Variants in SAP130 observed in about 807,000 individuals in gnomAD.
The protein encoded by SAP130 is Sin3A associated protein 130, also known as histone deacetylase complex subunit SAP130.
In SAP130, 16 loss-of-function variants were observed where a neutral mutation model predicts 103.2. The observed-to-expected ratio is 0.16, with a 90% confidence interval of 0.10 to 0.24. The LOEUF is 0.24. SAP130 is among the 10% of genes least tolerant of loss of function. The probability of loss-of-function intolerance (pLI) is 1.00; values close to 1 mark genes in which losing one functional copy is unlikely to be tolerated. For synonymous variants in SAP130, 477 were observed against 497.0 expected, an observed-to-expected ratio of 0.96 and a Z score of 0.53; for missense variants, 990 against 1,359.7, an observed-to-expected ratio of 0.73 and a Z score of 4.28.
chr2:128,010,185 T>G, intron 7 of SAP130, 84 bp downstream of exon 7: 4 of 1,439,222 alleles, frequency 2.8e-6, no homozygotes, highest in Non-Finnish European at 3.8e-6. Context: ...TCAATAAATA[T>G]TTACTTAAAT....
chr2:128,026,409 C>T (rs1261460361), intron 1 of SAP130, 111 bp from the exon 2 acceptor site: 2 of 685,230 alleles, frequency 2.9e-6, no homozygotes, highest in African/African-American at 1.8e-5. Flanking sequence ...AAAGCAAATG[C>T]TGCATCATTT....
intron 18 of SAP130, among the ~76,000 whole-genome samples, chr2:127,947,456 C>T (rs1258527115): frequency 6.6e-6 from 1 of 152,158 alleles, no homozygotes; most frequent in Non-Finnish European, 1.5e-5. Context: ...TGCATTTTTA[C>T]ATCTATATTC....
At chr2:127,945,639 CATT>C in intron 18 of SAP130, 80 bp from the exon 19 acceptor site, 2 of 837,858 alleles carry the variant, frequency 2.4e-6, no homozygotes. Context: ...GTGTAAATGC[CATT>C]ATTTTAACAA....
At chr2:127,995,066 TGG>T (rs763889576) in intron 11 of SAP130, among the ~76,000 whole-genome samples, 46 of 152,308 alleles carry the variant, frequency 3.0e-4, no homozygotes, top group Non-Finnish European at 5.0e-4. Flanking sequence ...GGGTTCTTTA[TGG>T]GAGAGGCAGA....
chr2:128,028,057 T>G lies in SAP130; in HGVS notation c.-124A>C, dbSNP rs1478053950. Reference sequence around the variant, plus strand: ...GCAGCCACCGCCGGGGAGCTAGCACTCTGCCCCCCACCCCTCACTCCAGCG... The same window carrying G: ...GCAGCCACCGCCGGGGAGCTAGCACGCTGCCCCCCACCCCTCACTCCAGCG... On this transcript the variant is annotated 5_prime_UTR_variant, in exon 1 of 21. Coordinates refer to ENST00000643581, the MANE Select transcript of SAP130 (RefSeq NM_001330301.2). 2 of 835,486 alleles carry G rather than the reference T, an allele frequency of 2.4e-6. No homozygotes were observed. The highest frequency in any genetic ancestry group is 1.2e-4 in the East Asian group (1 of 8,164). The allele number at this position is 835,486 out of a possible 1,614,324, so 51.8% of individuals were successfully genotyped here.
At chr2:127,982,426 G>A (rs1682017402) in intron 14 of SAP130, among the ~76,000 whole-genome samples, 2 of 152,152 alleles carry the variant, frequency 1.3e-5, no homozygotes, top group Admixed American at 1.3e-4. Flanking sequence ...CAGGACATGG[G>A]GTACTGCCAC....
intron 2 of SAP130, among the ~76,000 whole-genome samples, chr2:128,020,672 A>C (rs1181037138): frequency 1.3e-5 from 2 of 152,192 alleles, no homozygotes; most frequent in Non-Finnish European, 2.9e-5. Context: ...TAGGATTAGA[A>C]CTACTGGGTA....
At chr2:128,002,357 C>T (rs893270864) in intron 7 of SAP130, among the ~76,000 whole-genome samples, 20 of 151,952 alleles carry the variant, frequency 1.3e-4, no homozygotes, top group African/African-American at 4.4e-4. Context: ...TGGTAAAACC[C>T]CATCTCTACT....
At chr2:128,019,873 CTG>C (rs1685035495) in intron 2 of SAP130, among the ~76,000 whole-genome samples, 1 of 150,734 alleles carries the variant, frequency 6.6e-6, no homozygotes, top group Non-Finnish European at 1.5e-5. Context: ...GAGCAAAACT[CTG>C]TGTCAAAAAA....
At chr2:127,947,783 T>A (rs1437621153) in intron 18 of SAP130, among the ~76,000 whole-genome samples, 1 of 151,962 alleles carries the variant, frequency 6.6e-6, no homozygotes. Flanking sequence ...TGTGTGTGTG[T>A]GTGTGTGTGT....
chr2:128,003,956 G>GTT (rs1559088445), intron 7 of SAP130, among the ~76,000 whole-genome samples: 3 of 53,078 alleles, frequency 5.7e-5, no homozygotes, highest in African/African-American at 1.4e-4. Context: ...CCACAGATCA[G>GTT]CTTTTTTTTT....
rs1210982927 is a variant in SAP130, at chr2:127,942,213, C to T, written c.3016-49G>A. The T allele has an allele frequency of 6.5e-7, 1 of 1,527,540 alleles. No homozygotes were observed. Among genetic ancestry groups the T allele is most frequent in the Non-Finnish European group, 8.8e-7 (1 of 1,133,890 alleles). The allele number at this position is 1,527,540 out of a possible 1,614,324, so 94.6% of individuals were successfully genotyped here. On this transcript the variant is annotated intron_variant, in intron 20 of 20. Coordinates refer to ENST00000643581, the MANE Select transcript of SAP130 (RefSeq NM_001330301.2). This position sits in a 1 kb window ranked among gnomAD's most constrained non-coding sequence, Gnocchi z 4.8. Reference sequence around the variant, plus strand: ...TCAATCAGTGACCATGAGGATAGTACAGCTTTTAAAAAACTGCTTGCCTTT... The same window carrying T: ...TCAATCAGTGACCATGAGGATAGTATAGCTTTTAAAAAACTGCTTGCCTTT...
chr2:127,954,894 C>T, intron 16 of SAP130, 92 bp downstream of exon 16: 1 of 1,013,186 alleles, frequency 9.9e-7, no homozygotes, highest in East Asian at 2.5e-5. Context: ...GGAGTCTTGG[C>T]TGAGGGTTAC....
chr2:127,951,780 C>G (rs1679512582), intron 16 of SAP130, among the ~76,000 whole-genome samples: 1 of 152,212 alleles, frequency 6.6e-6, no homozygotes. Context: ...CTTGGACAAC[C>G]CTATCTGTTA....
intron 3 of SAP130, among the ~76,000 whole-genome samples, chr2:128,017,147 C>T (rs770816718): frequency 3.3e-5 from 5 of 152,130 alleles, no homozygotes; most frequent in East Asian, 1.9e-4. Flanking sequence ...CATGGTGAAA[C>T]GCCATCTCTA....
At position 127,958,816 on chromosome 2, in the gene SAP130, C is replaced by T. The variant is rs367690437; in HGVS notation, c.2064-3472G>A. On this transcript the variant is annotated intron_variant, in intron 15 of 20. Transcript: ENST00000643581. ...TGGGACTAAAGGTATGTGCCACCAT[C>T]CTTGACTAAGTTTTGTATTTTTTGT... Among the ~76,000 whole-genome samples the T allele has an allele frequency of 3.4e-4, 51 of 152,198 alleles. 1 individual carries two copies. In the South Asian group the frequency reaches 6.4e-3, roughly 19 times the overall value.
intron 7 of SAP130, 94 bp downstream of exon 7, chr2:128,010,175 T>A: frequency 2.3e-6 from 3 of 1,329,376 alleles, no homozygotes; most frequent in Non-Finnish European, 3.1e-6. Flanking sequence ...AAAAAGCCAC[T>A]CAATAAATAT....
intron 5 of SAP130, among the ~76,000 whole-genome samples, chr2:128,014,435 AGTGCC>A: frequency 1.3e-5 from 2 of 151,176 alleles, no homozygotes; most frequent in African/African-American, 4.9e-5. Flanking sequence ...CAGCCTCCTG[AGTGCC>A]ATCCTCCCAT....
At chr2:127,956,902 GTGT>G (rs1440890180) in intron 15 of SAP130, among the ~76,000 whole-genome samples, 3 of 152,098 alleles carry the variant, frequency 2.0e-5, no homozygotes, top group Non-Finnish European at 4.4e-5. Context: ...AGAAGTTTCT[GTGT>G]TGTTGTTGAG....
Sources: gnomAD v4.1 joint callset for allele counts (sites outside exome capture counted in the v4.1 genomes callset) on GRCh38, gnomAD v4.1.1 for gene constraint, Gnocchi (gnomAD v3.1) non-coding constraint, MANE v1.5 for transcripts, NCBI Gene and HGNC (gene_info 2026-07-23, HGNC 2026-07-21) for gene names.